CFAP96: variants seen among roughly 807,000 people sequenced by gnomAD.
CFAP96 encodes cilia and flagella associated protein 96, also known as cilia-and flagella-associated protein 96.
At chr4:185,429,667 C>G in the CFAP96 span, among the ~76,000 whole-genome samples, 3 of 151,962 alleles carry the variant, frequency 2.0e-5, no homozygotes, top group Non-Finnish European at 4.4e-5. Context: ...TGAAGTTAAG[C>G]GATATCATTT....
the CFAP96 span, among the ~76,000 whole-genome samples, chr4:185,410,431 C>T: frequency 4.6e-5 from 7 of 151,924 alleles, no homozygotes; most frequent in Admixed American, 3.3e-4. Context: ...GGTAGATCAC[C>T]TAAAGTCAGG....
the CFAP96 span, among the ~76,000 whole-genome samples, chr4:185,421,285 T>C: frequency 6.6e-6 from 1 of 152,202 alleles, no homozygotes; most frequent in East Asian, 1.9e-4. Flanking sequence ...TAGTAAAGGA[T>C]GGCCAGCTGC....
chr4:185,449,598 C>T, the CFAP96 span: 1 of 1,536,670 alleles, frequency 6.5e-7, no homozygotes, highest in Non-Finnish European at 8.8e-7. Flanking sequence ...AATTTTAGGG[C>T]ACTAAATTCA....
the CFAP96 span, among the ~76,000 whole-genome samples, chr4:185,433,487 G>A: frequency 5.9e-5 from 9 of 151,360 alleles, no homozygotes; most frequent in African/African-American, 1.2e-4. Context: ...GATGATAACC[G>A]AAGTCTAATT....
the CFAP96 span, among the ~76,000 whole-genome samples, chr4:185,443,342 A>ATATATATATATTTTTTTTTTTTT: frequency 7.5e-5 from 2 of 26,730 alleles, no homozygotes; most frequent in Non-Finnish European, 1.5e-4. Flanking sequence ...ATATATATAT[A>ATATATATATATTTTTTTTTTTTT]TTTTTTTTTT....
the CFAP96 span, among the ~76,000 whole-genome samples, chr4:185,427,812 G>A: frequency 7.7e-4 from 115 of 149,942 alleles, 5 homozygotes; most frequent in African/African-American, 2.7e-3. Flanking sequence ...CCAGCCGGGC[G>A]CGGTGGCCCA....
chr4:185,408,501 T>TC, the CFAP96 span: 1 of 1,472,614 alleles, frequency 6.8e-7, no homozygotes, highest in Non-Finnish European at 9.3e-7. Flanking sequence ...CTATATATGC[T>TC]CCCGAATTAT....
the CFAP96 span, chr4:185,418,841 C>T: frequency 1.1e-5 from 14 of 1,220,484 alleles, no homozygotes; most frequent in African/African-American, 1.5e-5. Context: ...CAAACATACA[C>T]AAAAGTAGAG....
chr4:185,443,896 C>T, the CFAP96 span, among the ~76,000 whole-genome samples: 1 of 144,416 alleles, frequency 6.9e-6, no homozygotes, highest in African/African-American at 2.6e-5. Flanking sequence ...ATCTGGAAAA[C>T]CTGAAAACTT....
the CFAP96 span, chr4:185,415,770 A>G: frequency 6.2e-7 from 1 of 1,613,894 alleles, no homozygotes; most frequent in East Asian, 2.2e-5. Context: ...AGTCATATTA[A>G]CATAATGGTG....
the CFAP96 span, among the ~76,000 whole-genome samples, chr4:185,448,263 C>T: frequency 5.3e-5 from 8 of 152,236 alleles, no homozygotes; most frequent in African/African-American, 1.4e-4. Context: ...TCAGGTGATC[C>T]GCCCGCCTCA....
the CFAP96 span, chr4:185,413,738 C>CAATCCA: frequency 6.2e-7 from 1 of 1,610,048 alleles, no homozygotes. Flanking sequence ...TACCAGTCTC[C>CAATCCA]ATGTTAGGTG....
chr4:185,424,229 C>T, the CFAP96 span, among the ~76,000 whole-genome samples: 655 of 151,968 alleles, frequency 4.3e-3, 7 homozygotes, highest in African/African-American at 0.015. Context: ...CTGCTTGGGC[C>T]GGGGAGGTCA....
At chr4:185,440,537 C>T in the CFAP96 span, 1 of 1,492,834 alleles carries the variant, frequency 6.7e-7, no homozygotes, top group African/African-American at 1.5e-5. Flanking sequence ...CTTTAATTCA[C>T]AGAAAGCGAA....
At chr4:185,420,159 C>T in the CFAP96 span, among the ~76,000 whole-genome samples, 1 of 134,174 alleles carries the variant, frequency 7.5e-6, no homozygotes, top group Non-Finnish European at 1.6e-5. Context: ...ATAATCAAAG[C>T]TCTGTGTTCT....
At chr4:185,428,295 C>T in the CFAP96 span, among the ~76,000 whole-genome samples, 2 of 151,568 alleles carry the variant, frequency 1.3e-5, no homozygotes, top group East Asian at 1.9e-4. Flanking sequence ...AATTTCTGGC[C>T]GGGCGCGGTG....
chr4:185,412,260 A>G, the CFAP96 span, among the ~76,000 whole-genome samples: 3 of 152,188 alleles, frequency 2.0e-5, no homozygotes, highest in South Asian at 2.1e-4. Flanking sequence ...TACTCATTCA[A>G]TACCTTCTGT....
chr4:185,418,580 TACTC>T, the CFAP96 span: 1 of 1,612,666 alleles, frequency 6.2e-7, no homozygotes. Flanking sequence ...TCTTCAAACA[TACTC>T]ACTGAATAAA....
the CFAP96 span, among the ~76,000 whole-genome samples, chr4:185,439,817 A>T: frequency 7.2e-5 from 9 of 125,788 alleles, no homozygotes; most frequent in South Asian, 2.5e-4. Flanking sequence ...ACATATACTC[A>T]TATATGTATA....
Sources: allele counts gnomAD v4.1 joint callset (sites outside exome capture counted in the v4.1 genomes callset), GRCh38; gene constraint gnomAD v4.1.1; transcripts MANE v1.5; gene names NCBI Gene and HGNC (gene_info 2026-07-23, HGNC 2026-07-21).